Variants in CAMK2A observed in about 807,000 individuals in gnomAD.
The protein encoded by CAMK2A is calcium/calmodulin dependent protein kinase II alpha.
CAMK2A carries 7 observed loss-of-function variants against 79.2 expected under a neutral mutation model. That is an observed-to-expected ratio of 0.09 (90% CI 0.05 to 0.17). The LOEUF (loss-of-function observed/expected upper bound fraction) is 0.17, where lower values mean the gene tolerates loss of function less well. CAMK2A is among the 10% of genes least tolerant of loss of function. CAMK2A has a pLI of 1.00. For synonymous variants in CAMK2A, 242 were observed against 251.7 expected, an observed-to-expected ratio of 0.96 and a Z score of 0.36; for missense variants, 214 against 646.4, an observed-to-expected ratio of 0.33 and a Z score of 7.25.
chr5:150,286,658 T>C (rs998072472), intron 1 of CAMK2A, among the ~76,000 whole-genome samples: 1 of 152,192 alleles, frequency 6.6e-6, no homozygotes, highest in African/African-American at 2.4e-5. Context: ...GACTGCAGTG[T>C]CCCAGCTGGC....
chr5:150,259,784 T>C (rs1361503897), intron 3 of CAMK2A, among the ~76,000 whole-genome samples: 3 of 151,550 alleles, frequency 2.0e-5, no homozygotes, highest in Non-Finnish European at 4.4e-5. Flanking sequence ...GCCCGGCCAA[T>C]ATGGCAAAAC....
In CAMK2A at chr5:150,269,448, G is replaced by A. The variant is rs865863250; in HGVS notation, c.157+3617C>T. On this transcript the variant is annotated intron_variant, in intron 2 of 18. Coordinates refer to ENST00000671881, the MANE Select transcript of CAMK2A (RefSeq NM_015981.4). ...GAAGGGAGTGGACTCCCCTGGGCTC[G>A]GTGATTCTCCCTCCTCAGTCTCCCT... is the stretch of plus-strand genomic sequence containing the variant. 2.8e-4 allele frequency among the ~76,000 whole-genome samples: 42 copies of A among 151,754 alleles called. No individual in the cohort carries two copies. In the Middle Eastern group the frequency reaches 0.014, roughly 49 times the overall value.
Position 150,252,055 on chromosome 5 carries a change from C to T in CAMK2A, c.525G>A (p.Gly175=), listed in dbSNP as rs745592475. 5.0e-6 allele frequency: 8 copies of T among 1,612,982 alleles called. No individual in the cohort carries two copies. The highest frequency in any genetic ancestry group is 4.0e-5 in the African/African-American group (3 of 74,870). Residue 175 remains glycine (G), a synonymous_variant, in exon 8 of 19, where the codon GGG becomes GGA. Transcript: ENST00000671881. The part of the protein sequence containing the change: ...GEQQAWFGFA[G]TPGYLSPEVL... ...CTTCTGGGGAGAGATATCCAGGAGTCCCTGCAAACCCTGCTCCCAGACACA... is the reference window on the plus strand; with the variant it reads ...CTTCTGGGGAGAGATATCCAGGAGTTCCTGCAAACCCTGCTCCCAGACACA...
intron 15 of CAMK2A, 45 bp downstream of exon 15, chr5:150,238,655 G>C (rs1343670898): frequency 1.9e-6 from 3 of 1,553,002 alleles, no homozygotes; most frequent in South Asian, 2.3e-5. Flanking sequence ...CTCAGAGCTG[G>C]TTCCAGAAGT....
chr5:150,264,981 G>A lies in CAMK2A; in HGVS notation c.192C>T (p.Cys64=). ...CGATGTTGGGGTGCTTCAGCAGGCGGCAGATGCGGGCTTCACGCTCCAGCT... is the reference window on the plus strand; with the variant it reads ...CGATGTTGGGGTGCTTCAGCAGGCGACAGATGCGGGCTTCACGCTCCAGCT... The part of the protein sequence containing the change: ...HQKLEREARI[C]RLLKHPNIVR... Residue 64 remains cysteine, a synonymous_variant, in exon 3 of 19, where the codon TGC becomes TGT. Transcript: ENST00000671881. 5 of 1,613,924 alleles carry A rather than the reference G, an allele frequency of 3.1e-6. No individual in the cohort carries two copies. The highest frequency in any genetic ancestry group is 1.3e-5 in the African/African-American group (1 of 75,038).
intron 17 of CAMK2A, among the ~76,000 whole-genome samples, chr5:150,225,259 A>C (rs1754545852): frequency 6.6e-6 from 1 of 152,138 alleles, no homozygotes; most frequent in Admixed American, 6.5e-5. Context: ...GCATTTGTAA[A>C]GAAAAGCCAC....
intron 3 of CAMK2A, among the ~76,000 whole-genome samples, chr5:150,260,474 A>AG: frequency 6.6e-6 from 1 of 151,984 alleles, no homozygotes; most frequent in Non-Finnish European, 1.5e-5. Flanking sequence ...AAAAAAAAAA[A>AG]AAGTGTAAAT....
intron 6 of CAMK2A, 96 bp from the exon 7 acceptor site, chr5:150,253,642 GAAGAACAGCCC>G: frequency 9.3e-7 from 1 of 1,079,670 alleles, no homozygotes; most frequent in Non-Finnish European, 1.4e-6. Context: ...GGGCTCACAG[GAAGAACAGCCC>G]GGCCCTCCGG....
At chr5:150,259,912 T>A (rs1756229946) in intron 3 of CAMK2A, among the ~76,000 whole-genome samples, 1 of 151,776 alleles carries the variant, frequency 6.6e-6, no homozygotes, top group Admixed American at 6.6e-5. Context: ...GAGGTTGCAA[T>A]AAGCCGAGAT....
At chr5:150,287,219 AGCTTCT>A (rs1757459740) in intron 1 of CAMK2A, among the ~76,000 whole-genome samples, 1 of 152,192 alleles carries the variant, frequency 6.6e-6, no homozygotes, top group African/African-American at 2.4e-5. Flanking sequence ...CTCTAACACA[AGCTTCT>A]GCAAACTTAG....
At chr5:150,251,587 A>T (rs1164167907) in intron 9 of CAMK2A, among the ~76,000 whole-genome samples, 163 bp downstream of exon 9, 1 of 152,168 alleles carries the variant, frequency 6.6e-6, no homozygotes, top group Non-Finnish European at 1.5e-5. Flanking sequence ...GGCAAGATAA[A>T]TCTCCAATCA....
intron 3 of CAMK2A, 78 bp downstream of exon 3, chr5:150,264,878 C>T (rs1303848930): frequency 1.0e-5 from 12 of 1,149,210 alleles, no homozygotes; most frequent in African/African-American, 4.5e-5. Context: ...CCACCCAACC[C>T]GCAAACACCC....
intron 9 of CAMK2A, 83 bp downstream of exon 9, chr5:150,251,667 A>T: frequency 9.3e-7 from 1 of 1,080,898 alleles, no homozygotes; most frequent in Non-Finnish European, 1.3e-6. Context: ...CCCCTGTGCC[A>T]GAACTAGAGA....
chr5:150,219,574 C>CCG lies in CAMK2A; in HGVS notation c.*3135_*3136insCG, dbSNP rs1754192531. 7.1e-6 allele frequency: 1 copy of CCG among 139,994 alleles called. No homozygotes were observed. Among genetic ancestry groups the CCG allele is most frequent in the Admixed American group, 7.3e-5 (1 of 13,612 alleles). The allele number at this position is 139,994 out of a possible 1,614,324, so 8.7% of individuals were successfully genotyped here. A position where few individuals can be genotyped will look rare whatever the true frequency, so the allele number is the denominator to read the frequency against. ...CCTTCTTCCCATCCCACCCGCCCCCCCCAATAGCAGAAAGTTTGAGCAGTG... is the reference window on the plus strand; with the variant it reads ...CCTTCTTCCCATCCCACCCGCCCCCCCGCCAATAGCAGAAAGTTTGAGCAGTG... On this transcript the variant is annotated 3_prime_UTR_variant, in exon 19 of 19. Coordinates refer to ENST00000671881, the MANE Select transcript of CAMK2A (RefSeq NM_015981.4).
At chr5:150,242,207 A>G (rs1389807129) in intron 13 of CAMK2A, among the ~76,000 whole-genome samples, 1 of 152,194 alleles carries the variant, frequency 6.6e-6, no homozygotes, top group Non-Finnish European at 1.5e-5. Context: ...ATCACAAACG[A>G]TGATGCTAAT....
chr5:150,262,745 C>T (rs1562179733), intron 3 of CAMK2A, among the ~76,000 whole-genome samples: 1 of 152,198 alleles, frequency 6.6e-6, no homozygotes, highest in East Asian at 1.9e-4. Context: ...ACCCTCCCAA[C>T]AGTCCTAGAA....
rs540133839 is a variant in CAMK2A, at chr5:150,265,921, C to T, written c.158-906G>A. On this transcript the variant is annotated intron_variant, in intron 2 of 18. Transcript: ENST00000671881. ...CTGCACTCCAGCCTAGGCGACAGAG[C>T]GAGACTTCATCTCAAAAAAAAAAAA... Among the ~76,000 whole-genome samples, 37 of 144,606 alleles carry T rather than the reference C, an allele frequency of 2.6e-4. No homozygotes were observed. The East Asian group carries it at 4.2e-3, about 16-fold the overall frequency. 94.9% of individuals were successfully genotyped at this position (144,606 alleles called of 152,430 possible).
At chr5:150,285,403 C>T (rs950213525) in intron 1 of CAMK2A, among the ~76,000 whole-genome samples, 1 of 152,218 alleles carries the variant, frequency 6.6e-6, no homozygotes, top group Non-Finnish European at 1.5e-5. Flanking sequence ...TCTTTGGGTA[C>T]ATGGATGCCC....
rs1010727064 is a variant in CAMK2A, at chr5:150,223,655, G to A, written c.1238-438C>T. 5.9e-5 allele frequency among the ~76,000 whole-genome samples: 9 copies of A among 152,138 alleles called. No individual in the cohort carries two copies. The highest frequency in any genetic ancestry group is 9.7e-5 in the African/African-American group (4 of 41,404). On this transcript the variant is annotated intron_variant, in intron 17 of 18. Transcript: ENST00000671881. This position sits in a 1 kb window ranked among gnomAD's most constrained non-coding sequence, Gnocchi z 4.1. ...CCCTTTGCCTCTGGGTCAGGGAGGC[G>A]ATAGGGAGTGATGGGGACTGTGGCG...
Sources: gnomAD v4.1 joint callset for allele counts (sites outside exome capture counted in the v4.1 genomes callset) on GRCh38, gnomAD v4.1.1 for gene constraint, Gnocchi (gnomAD v3.1) non-coding constraint, MANE v1.5 for transcripts, NCBI Gene and HGNC (gene_info 2026-07-23, HGNC 2026-07-21) for gene names.